The following RBFOX1 variants were observed in gnomAD, a reference collection of about 807,000 sequenced individuals.
RBFOX1 encodes RNA binding protein fox-1 homolog 1.
In RBFOX1, 8 loss-of-function variants were observed where a neutral mutation model predicts 57.7. The observed-to-expected ratio is 0.14, with a 90% CI of 0.08 to 0.25. RBFOX1 has a LOEUF of 0.25. Ranked by LOEUF, RBFOX1 falls within the 10% of genes least tolerant of loss-of-function variation. RBFOX1 has a pLI of 1.00. For synonymous variants in RBFOX1, 326 were observed against 222.4 expected, an observed-to-expected ratio of 1.47 and a Z score of -4.15; for missense variants, 611 against 548.5, an observed-to-expected ratio of 1.11 and a Z score of -1.14.
At position 6,844,142 on chromosome 16, in the gene RBFOX1, C is replaced by A. The variant is rs1438956911; in HGVS notation, c.-16+189492C>A. Among the ~76,000 whole-genome samples, 7 of 152,154 alleles carry A rather than the reference C, an allele frequency of 4.6e-5. No homozygotes were observed. The East Asian group carries it at 7.7e-4, about 17-fold the overall frequency. On this transcript the variant is annotated intron_variant, in intron 3 of 15. Transcript: ENST00000550418. ...CTGCATGGCTTTTCTCTCTCTCCATCATTACCCCTACAGGCCAGTCCCCTT... is the reference window on the plus strand; with the variant it reads ...CTGCATGGCTTTTCTCTCTCTCCATAATTACCCCTACAGGCCAGTCCCCTT...
At chr16:7,481,895 A>T (rs1406263810) in intron 4 of RBFOX1, among the ~76,000 whole-genome samples, 2 of 152,232 alleles carry the variant, frequency 1.3e-5, no homozygotes. Context: ...TCTTACAATA[A>T]AGTGTTGAAT....
intron 4 of RBFOX1, among the ~76,000 whole-genome samples, chr16:5,996,787 C>T (rs2060497754): frequency 6.6e-6 from 1 of 152,168 alleles, no homozygotes; most frequent in Non-Finnish European, 1.5e-5. Flanking sequence ...CCAATGTCAC[C>T]CTCTTTCCTT....
intron 2 of RBFOX1, among the ~76,000 whole-genome samples, chr16:6,508,279 T>C (rs2096162026): frequency 6.6e-6 from 1 of 152,150 alleles, no homozygotes; most frequent in Admixed American, 6.5e-5. Flanking sequence ...CCTTATTACC[T>C]GGGTGATGGA....
At chr16:7,043,253 C>T (rs992576306) in intron 3 of RBFOX1, among the ~76,000 whole-genome samples, 2 of 152,180 alleles carry the variant, frequency 1.3e-5, no homozygotes, top group Admixed American at 6.5e-5. Flanking sequence ...TTGAGCACCC[C>T]TGGAACCCTG....
intron 2 of RBFOX1, among the ~76,000 whole-genome samples, chr16:5,480,822 C>G (rs1459481959): frequency 6.6e-6 from 1 of 152,176 alleles, no homozygotes; most frequent in Non-Finnish European, 1.5e-5. Context: ...AGTGGATGTA[C>G]CATGACTTGT....
intron 4 of RBFOX1, among the ~76,000 whole-genome samples, chr16:7,280,803 A>C (rs1212223960): frequency 2.0e-5 from 3 of 152,032 alleles, no homozygotes; most frequent in Non-Finnish European, 4.4e-5. Flanking sequence ...TTCCTCTGGG[A>C]GTCAAAACAT....
intron 14 of RBFOX1, among the ~76,000 whole-genome samples, chr16:7,685,076 T>A (rs1396897322): frequency 6.6e-6 from 1 of 152,052 alleles, no homozygotes; most frequent in Non-Finnish European, 1.5e-5. Flanking sequence ...CCTGTGAGAA[T>A]GTAGAATCCC....
intron 3 of RBFOX1, among the ~76,000 whole-genome samples, chr16:6,867,374 G>T (rs956110180): frequency 6.6e-6 from 1 of 151,794 alleles, no homozygotes; most frequent in Non-Finnish European, 1.5e-5. Flanking sequence ...TCTTTTTAAT[G>T]ACCTTTATAA....
intron 4 of RBFOX1, among the ~76,000 whole-genome samples, chr16:7,314,100 G>C (rs2096383480): frequency 6.6e-6 from 1 of 152,056 alleles, no homozygotes; most frequent in Non-Finnish European, 1.5e-5. Context: ...TGAGGCTTTT[G>C]GACTTGGGGA....
chr16:7,346,973 C>G (rs780574412), intron 4 of RBFOX1, among the ~76,000 whole-genome samples: 7 of 152,046 alleles, frequency 4.6e-5, no homozygotes, highest in Non-Finnish European at 8.8e-5. Context: ...ATTGAATGCA[C>G]AGAAACTCTT....
intron 2 of RBFOX1, among the ~76,000 whole-genome samples, chr16:6,639,370 T>G (rs1010127112): frequency 6.6e-6 from 1 of 152,164 alleles, no homozygotes; most frequent in Non-Finnish European, 1.5e-5. Context: ...GGTGTTGAGA[T>G]AGACTATCTA....
At chr16:6,524,418 G>A (rs1305332190) in intron 2 of RBFOX1, among the ~76,000 whole-genome samples, 1 of 152,162 alleles carries the variant, frequency 6.6e-6, no homozygotes, top group African/African-American at 2.4e-5. Flanking sequence ...GTTATTTCCA[G>A]ATCTTTTTAT....
intron 10 of RBFOX1, among the ~76,000 whole-genome samples, chr16:7,612,294 C>G (rs538092194): frequency 5.2e-5 from 7 of 135,694 alleles, no homozygotes; most frequent in African/African-American, 2.1e-4. Context: ...GCACTCCAGC[C>G]TGGGTAACAG....
At chr16:5,272,255 G>A (rs997857450) in intron 1 of RBFOX1, among the ~76,000 whole-genome samples, 1 of 152,172 alleles carries the variant, frequency 6.6e-6, no homozygotes, top group East Asian at 1.9e-4. Flanking sequence ...TAAATTAGGG[G>A]ATGGACATGT....
intron 2 of RBFOX1, among the ~76,000 whole-genome samples, chr16:6,531,790 A>T (rs552711680): frequency 6.6e-6 from 1 of 152,306 alleles, no homozygotes; most frequent in African/African-American, 2.4e-5. Context: ...TATGAGTATC[A>T]ACCCAATTTA....
rs150669043 is a variant in RBFOX1 at position 6,645,007 on chromosome 16, C to T, written c.-63-9596C>T. Among the ~76,000 whole-genome samples the T allele has an allele frequency of 8.2e-3, 1,243 of 152,264 alleles. 14 individuals are homozygous for T. The highest frequency in any genetic ancestry group is 0.028 in the African/African-American group (1,172 of 41,552). On this transcript the variant is annotated intron_variant, in intron 2 of 15. Transcript: ENST00000550418. ...ATATTCTCTGACAGCTCTGGAGGCT[C>T]TACGTCCAAGTTGAAAGTGTGAGCA...
chr16:7,250,746 C>A (rs535371611), intron 4 of RBFOX1, among the ~76,000 whole-genome samples: 7 of 152,192 alleles, frequency 4.6e-5, no homozygotes, highest in Non-Finnish European at 1.0e-4. Context: ...CAGGGAGGGT[C>A]ATGCTGTGTA....
At chr16:6,818,490 T>C (rs2154273964) in intron 3 of RBFOX1, among the ~76,000 whole-genome samples, 1 of 152,242 alleles carries the variant, frequency 6.6e-6, no homozygotes, top group South Asian at 2.1e-4. Context: ...TAAATGCCAG[T>C]GAGGTTTGTT....
chr16:6,893,463 A>G (rs1390537072), intron 3 of RBFOX1, among the ~76,000 whole-genome samples: 3 of 152,202 alleles, frequency 2.0e-5, no homozygotes, highest in African/African-American at 4.8e-5. Flanking sequence ...CCTGAACTCT[A>G]GTAGCTGTGC....
Sources: gnomAD v4.1 joint callset for allele counts (sites outside exome capture counted in the v4.1 genomes callset) on GRCh38, gnomAD v4.1.1 for gene constraint, MANE v1.5 for transcripts, NCBI Gene and HGNC (gene_info 2026-07-23, HGNC 2026-07-21) for gene names.